The following C20orf202 variants were observed in gnomAD, a reference collection of about 807,000 sequenced individuals.
C20orf202 encodes the protein uncharacterized protein C20orf202.
C20orf202 carries 5 observed loss-of-function variants against 5.3 expected under a neutral mutation model. The observed-to-expected ratio is 0.94, with a 90% CI of 0.49 to 1.98. The LOEUF is 1.98. C20orf202 is among the 30% of genes most tolerant of loss of function. C20orf202 has a pLI of 0.01. For synonymous variants in C20orf202, 48 were observed against 50.0 expected, an observed-to-expected ratio of 0.96 and a Z score of 0.16; for missense variants, 135 against 123.5, an observed-to-expected ratio of 1.09 and a Z score of -0.44.
rs1238771510 is a variant in C20orf202, at chr20:1,208,158, G to A, written c.*1056G>A. ...TCCGTAACAGCAGGCAACCAGGCTT[G>A]TGATACAGCAGAGACACTCAGTTGT... is the stretch of plus-strand genomic sequence containing the variant. On this transcript the variant is annotated 3_prime_UTR_variant, in exon 2 of 2. Transcript: ENST00000400633. The A allele has an allele frequency of 6.6e-6, 1 of 152,224 alleles. No homozygotes were observed. Among genetic ancestry groups the A allele is most frequent in the Non-Finnish European group, 1.5e-5 (1 of 68,030 alleles). The allele number at this position is 152,224 out of a possible 1,614,324, so 9.4% of individuals were successfully genotyped here. A position where few individuals can be genotyped will look rare whatever the true frequency, so the allele number is the denominator to read the frequency against.
At position 1,207,043 on chromosome 20, in the gene C20orf202, TC is replaced by T. The variant is rs1417472219; in HGVS notation, c.242del (p.Ser81Ter). ...SEGRGCQPVC[S>X]RGLAQLLRGE... ...AGGCAGGGGCTGCCAGCCGGTTTGC[TC>T]AAGGGGTCTGGCCCAGCTCCTCCGA... On this transcript the variant is annotated frameshift_variant, in exon 2 of 2. Coordinates refer to ENST00000400633, the MANE Select transcript of C20orf202 (RefSeq NM_001394958.1). LOFTEE classifies it high-confidence loss of function. The T allele has an allele frequency of 1.3e-6, 2 of 1,548,086 alleles. No homozygotes were observed. The highest frequency in any genetic ancestry group is 4.9e-5 in the East Asian group (2 of 40,846).
rs1485609653 is a variant in C20orf202, at chr20:1,206,967, C to T, written c.165C>T (p.Asp55=). The T allele has an allele frequency of 1.9e-6, 3 of 1,551,746 alleles. No individual in the cohort carries two copies. Among genetic ancestry groups the T allele is most frequent in the Non-Finnish European group, 2.6e-6 (3 of 1,146,942 alleles). ...GTGCGGACAGCGCCCACTGGGAGGA[C>T]GCCAGGTCCAGCGGAGGGACATCCC... ...ELRADSAHWE[D]ARSSGGTSPI... The change falls in exon 2 of 2, where the codon GAC becomes GAT. Residue 55 remains aspartate (D), a synonymous_variant. Coordinates refer to ENST00000400633, the MANE Select transcript of C20orf202 (RefSeq NM_001394958.1).
rs1371553803 is a variant in C20orf202 at position 1,207,127 on chromosome 20, T to C, written c.*25T>C. ...ACTGGACGGAGATGACACTGGGCTT[T>C]AACACTCTCCCCATTAGTCTAACCT... On this transcript the variant is annotated 3_prime_UTR_variant, in exon 2 of 2. Transcript: ENST00000400633. The C allele has an allele frequency of 7.2e-6, 10 of 1,395,936 alleles. No individual in the cohort carries two copies. In the Admixed American group the frequency reaches 2.3e-4, roughly 32 times the overall value. 86.5% of individuals were successfully genotyped at this position (1,395,936 alleles called of 1,614,324 possible).
chr20:1,203,833 T>C (rs375132015), intron 1 of C20orf202, among the ~76,000 whole-genome samples, 182 bp downstream of exon 1: 125 of 152,234 alleles, frequency 8.2e-4, no homozygotes, highest in African/African-American at 3.0e-3. Flanking sequence ...GATAAGTAGG[T>C]CGTGGCCTAT....
Position 1,207,757 on chromosome 20 carries a change from G to C in C20orf202, c.*655G>C, listed in dbSNP as rs1177674230. 1 of 152,190 alleles carries C rather than the reference G, an allele frequency of 6.6e-6. No individual in the cohort carries two copies. Among genetic ancestry groups the C allele is most frequent in the Admixed American group, 6.5e-5 (1 of 15,276 alleles). 9.4% of individuals were successfully genotyped at this position (152,190 alleles called of 1,614,324 possible). On this transcript the variant is annotated 3_prime_UTR_variant, in exon 2 of 2. Transcript: ENST00000400633. ...CTATTACACTCAGGCTGAGGCTGCT[G>C]GTGGCCATGTTCCTACCAGGTAAAG...
rs1347876761 is a variant in C20orf202 at position 1,207,076 on chromosome 20, G to A, written c.274G>A (p.Asp92Asn). The A allele has an allele frequency of 2.6e-6, 4 of 1,515,236 alleles. No homozygotes were observed. Among genetic ancestry groups the A allele is most frequent in the Non-Finnish European group, 3.6e-6 (4 of 1,124,170 alleles). The allele number at this position is 1,515,236 out of a possible 1,614,324, so 93.9% of individuals were successfully genotyped here. A position where few individuals can be genotyped will look rare whatever the true frequency, so the allele number is the denominator to read the frequency against. Reference protein sequence around the residue: ...RGLAQLLRGEDSRRSSLP With the variant: ...RGLAQLLRGENSRRSSLP ...TCTGGCCCAGCTCCTCCGAGGGGAA[G>A]ACAGCAGACGAAGCTCTCTCCCTTA... The change falls in exon 2 of 2, where the codon GAC becomes AAC. Residue 92 changes from aspartate to asparagine, a missense_variant. Coordinates refer to ENST00000400633, the MANE Select transcript of C20orf202 (RefSeq NM_001394958.1).
intron 1 of C20orf202, among the ~76,000 whole-genome samples, chr20:1,206,002 G>C (rs552578302): frequency 6.6e-6 from 1 of 151,736 alleles, no homozygotes; most frequent in African/African-American, 2.4e-5. Context: ...GCAGTGAGCC[G>C]TTATTGCACC....
intron 1 of C20orf202, 76 bp downstream of exon 1, chr20:1,203,727 C>G: frequency 4.1e-6 from 6 of 1,459,690 alleles, no homozygotes; most frequent in African/African-American, 1.4e-5. Flanking sequence ...CTTCCCGGGT[C>G]CCCCCTGGGG....
At chr20:1,206,060 A>C (rs939947811) in intron 1 of C20orf202, among the ~76,000 whole-genome samples, 1 of 152,134 alleles carries the variant, frequency 6.6e-6, no homozygotes, top group African/African-American at 2.4e-5. Context: ...CTCAAAAATA[A>C]ATAAATAAAT....
At chr20:1,206,719 C>T in intron 1 of C20orf202, 150 bp from the exon 2 acceptor site, 1 of 486,698 alleles carries the variant, frequency 2.1e-6, no homozygotes, top group Non-Finnish European at 3.6e-6. Flanking sequence ...CTTTGCAGAG[C>T]AAGAAACTGA....
In C20orf202 at chr20:1,208,520, G is replaced by A. The variant is rs2087142446; in HGVS notation, c.*1418G>A. Among the ~76,000 whole-genome samples the A allele has an allele frequency of 6.6e-6, 1 of 152,172 alleles. No homozygotes were observed. Among genetic ancestry groups the A allele is most frequent in the African/African-American group, 2.4e-5 (1 of 41,448 alleles). On this transcript the variant is annotated 3_prime_UTR_variant, in exon 2 of 2. Coordinates refer to ENST00000400633, the MANE Select transcript of C20orf202 (RefSeq NM_001394958.1). ...AAAGCACCTTTTGGTGTTACCAGCTGCTCCCTGTTAGAGTTTGTTAGGCTT... is the reference window on the plus strand; with the variant it reads ...AAAGCACCTTTTGGTGTTACCAGCTACTCCCTGTTAGAGTTTGTTAGGCTT...
At chr20:1,204,456 A>G (rs2122715799) in intron 1 of C20orf202, among the ~76,000 whole-genome samples, 1 of 152,256 alleles carries the variant, frequency 6.6e-6, no homozygotes, top group Non-Finnish European at 1.5e-5. Context: ...TCCCCCATGG[A>G]GCACTAACTC....
chr20:1,205,822 G>T (rs963244957), intron 1 of C20orf202, among the ~76,000 whole-genome samples: 2 of 152,156 alleles, frequency 1.3e-5, no homozygotes, highest in Non-Finnish European at 2.9e-5. Flanking sequence ...GCGAACTTTG[G>T]GAGCTGAGTT....
intron 1 of C20orf202, among the ~76,000 whole-genome samples, chr20:1,204,558 A>G (rs1358653518): frequency 1.3e-5 from 2 of 152,224 alleles, no homozygotes; most frequent in African/African-American, 4.8e-5. Flanking sequence ...CCAAGTCCGA[A>G]AAAAGAGGGG....
At position 1,207,352 on chromosome 20, in the gene C20orf202, A is replaced by G; in HGVS notation, c.*250A>G. The G allele has an allele frequency of 2.7e-6, 1 of 377,230 alleles. No homozygotes were observed. Among genetic ancestry groups the G allele is most frequent in the South Asian group, 1.1e-4 (1 of 8,806 alleles). The allele number at this position is 377,230 out of a possible 1,614,324, so 23.4% of individuals were successfully genotyped here. ...GGATGTGAACACACTTTTCGACTGA[A>G]AACACAAATGTGCTCTAGTGCTCTG... On this transcript the variant is annotated 3_prime_UTR_variant, in exon 2 of 2. Transcript: ENST00000400633.
rs990777852 is a variant in C20orf202, at chr20:1,203,651, G to C, written c.66G>C (p.Leu22=). Residue 22 remains leucine, a splice_region_variant and synonymous_variant, in exon 1 of 2, where the codon CTG becomes CTC. Coordinates refer to ENST00000400633, the MANE Select transcript of C20orf202 (RefSeq NM_001394958.1). ...CCTTGGAGTGGCTGAGAAAGGAGCT[G>C]GTAAGGTTTTGCATTGCTTTTCCTT... The part of the protein sequence containing the change: ...GQTLEWLRKE[L]SEMQIQDQSL... The C allele has an allele frequency of 7.5e-5, 115 of 1,540,044 alleles. No homozygotes were observed. The highest frequency in any genetic ancestry group is 9.5e-5 in the Non-Finnish European group (109 of 1,144,036).
Position 1,206,885 on chromosome 20 carries a change from A to G in C20orf202, c.83A>G (p.Gln28Arg). 1.3e-6 allele frequency: 2 copies of G among 1,539,946 alleles called. No individual in the cohort carries two copies. The highest frequency in any genetic ancestry group is 1.8e-6 in the Non-Finnish European group (2 of 1,138,532). ...LRKELSEMQIQDQSLLLTLRH... is the reference protein window; with the variant it reads ...LRKELSEMQIRDQSLLLTLRH... Reference sequence around the variant, plus strand: ...CTCTCCTAGTCTGAGATGCAGATTCAAGATCAGAGTCTCCTGCTCACACTG... The same window carrying G: ...CTCTCCTAGTCTGAGATGCAGATTCGAGATCAGAGTCTCCTGCTCACACTG... The change falls in exon 2 of 2, where the codon CAA (glutamine) becomes CGA (arginine). Residue 28 changes from glutamine (Q) to arginine (R), a missense_variant. Coordinates refer to ENST00000400633, the MANE Select transcript of C20orf202 (RefSeq NM_001394958.1).
At chr20:1,204,340 T>G (rs1047383407) in intron 1 of C20orf202, among the ~76,000 whole-genome samples, 1 of 152,086 alleles carries the variant, frequency 6.6e-6, no homozygotes, top group African/African-American at 2.4e-5. Context: ...GCAGCTGAGA[T>G]GCTCTGCAGG....
Position 1,207,698 on chromosome 20 carries a change from G to C in C20orf202, c.*596G>C, listed in dbSNP as rs570621545. ...ATGTGAACCAACAGAGCCAGTCACC[G>C]ACCTTCCCTGAGATTGCTACCTGGA... On this transcript the variant is annotated 3_prime_UTR_variant, in exon 2 of 2. Coordinates refer to ENST00000400633, the MANE Select transcript of C20orf202 (RefSeq NM_001394958.1). The C allele has an allele frequency of 1.3e-5, 2 of 152,328 alleles. No homozygotes were observed. Among genetic ancestry groups the C allele is most frequent in the East Asian group, 1.9e-4 (1 of 5,178 alleles). 9.4% of individuals were successfully genotyped at this position (152,328 alleles called of 1,614,324 possible).
Sources: allele counts gnomAD v4.1 joint callset (sites outside exome capture counted in the v4.1 genomes callset), GRCh38; gene constraint gnomAD v4.1.1; transcripts MANE v1.5; gene names NCBI Gene and HGNC (gene_info 2026-07-23, HGNC 2026-07-21).